Variants in FSD1 observed in about 807,000 individuals in gnomAD.
The protein encoded by FSD1 is fibronectin type III and SPRY domain-containing protein 1.
In FSD1, 23 loss-of-function variants were observed where a neutral mutation model predicts 58.2. The ratio of observed to expected loss-of-function variants is 0.40; its 90% CI spans 0.28 to 0.56. FSD1 has a LOEUF of 0.56. Among genes scored for constraint, FSD1 ranks in the 20% least tolerant of loss-of-function variants. The pLI, the probability that FSD1 is intolerant of heterozygous loss-of-function variation, is 0.54. For synonymous variants in FSD1, 265 were observed against 263.4 expected (o/e 1.01, Z -0.06); for missense variants, 563 against 670.8 (o/e 0.84, Z 1.78).
intron 3 of FSD1, 125 bp downstream of exon 3, chr19:4,306,454 T>A: frequency 1.2e-6 from 1 of 849,804 alleles, no homozygotes; most frequent in Non-Finnish European, 1.8e-6. Flanking sequence ...GACCCCTCCA[T>A]CCACCTGTAC....
intron 10 of FSD1, among the ~76,000 whole-genome samples, chr19:4,322,515 G>A (rs1036818708): frequency 6.7e-6 from 1 of 150,260 alleles, no homozygotes; most frequent in Non-Finnish European, 1.5e-5. Flanking sequence ...AGCAGGAACC[G>A]AGGAGTATCT....
chr19:4,306,109 A>T, intron 2 of FSD1, 68 bp downstream of exon 2: 1 of 1,606,462 alleles, frequency 6.2e-7, no homozygotes, highest in Non-Finnish European at 8.5e-7. Flanking sequence ...CAGCCTTAGG[A>T]ACTGGCCCAT....
Position 4,315,038 on chromosome 19 carries a change from A to G in FSD1, c.701-2144A>G, listed in dbSNP as rs139273755. On this transcript the variant is annotated intron_variant, in intron 7 of 12. Transcript: ENST00000221856. ...AGGATACCGATGAAAGCAGCTGCCT[A>G]TGTGGTCGTTTGCAATCCACCTACT... 1.5e-4 allele frequency among the ~76,000 whole-genome samples: 23 copies of G among 152,286 alleles called. 1 individual carries two copies. The East Asian group carries it at 4.2e-3, about 28-fold the overall frequency.
In FSD1 at chr19:4,310,616, G is replaced by A; in HGVS notation, c.490+20G>A. The A allele has an allele frequency of 1.2e-6, 2 of 1,607,902 alleles. No homozygotes were observed. The highest frequency in any genetic ancestry group is 1.7e-6 in the Non-Finnish European group (2 of 1,178,210). On this transcript the variant is annotated intron_variant, in intron 6 of 12. Transcript: ENST00000221856. ...TGCCTGGTGAGAGGGGCACGCACTA[G>A]AGGGCCAGGACTTCCGGGGAATGAC...
At chr19:4,305,098 C>T (rs1971603184) in intron 1 of FSD1, among the ~76,000 whole-genome samples, 1 of 143,150 alleles carries the variant, frequency 7.0e-6, no homozygotes, top group Admixed American at 6.9e-5. Flanking sequence ...GAAGACGCCC[C>T]GCCAGCTCCG....
chr19:4,311,004 AT>A (rs1461219909), intron 6 of FSD1: 1 of 168,444 alleles, frequency 5.9e-6, no homozygotes. Context: ...TGGGGTATTC[AT>A]CAAGTCCCGC....
chr19:4,319,895 G>C (rs1043536803), intron 10 of FSD1, among the ~76,000 whole-genome samples: 2 of 152,120 alleles, frequency 1.3e-5, no homozygotes, highest in Non-Finnish European at 2.9e-5. Flanking sequence ...TGATCTGGGA[G>C]GGGCGAGAGT....
chr19:4,311,822 C>G lies in FSD1; in HGVS notation c.491-20C>G. The G allele has an allele frequency of 1.2e-6, 2 of 1,612,896 alleles. No homozygotes were observed. ...ACCAGGCACAGAATCCCGACCCCCT[C>G]TCCTTTCCGTCTTGGTCAGTGCCCA... On this transcript the variant is annotated intron_variant, in intron 6 of 12. Transcript: ENST00000221856.
At chr19:4,312,164 T>G in intron 7 of FSD1, 113 bp downstream of exon 7, 1 of 950,664 alleles carries the variant, frequency 1.1e-6, no homozygotes. Context: ...GCTCATGGGG[T>G]CTGGAAGCAG....
Position 4,323,643 on chromosome 19 carries a change from G to A in FSD1, c.1491G>A (p.Ter497=). The change falls in exon 13 of 13, where the codon TAG becomes TAA. Residue 497 remains the stop codon, a stop_retained_variant. Coordinates refer to ENST00000221856, the MANE Select transcript of FSD1 (RefSeq NM_024333.3). This position sits in a 1 kb window ranked among gnomAD's most constrained non-coding sequence, Gnocchi z 7.7. ...GCAGCTCCAACACCAGCCTCACCTA[G>A]GCCCCCAGGCACCCACCCAGCTGGG... ...ATSSSNTSLT[*] The A allele has an allele frequency of 6.2e-7, 1 of 1,607,230 alleles. No homozygotes were observed. The highest frequency in any genetic ancestry group is 8.5e-7 in the Non-Finnish European group (1 of 1,175,156).
chr19:4,309,815 A>C (rs1410540865), intron 4 of FSD1, among the ~76,000 whole-genome samples: 1 of 151,792 alleles, frequency 6.6e-6, no homozygotes, highest in Non-Finnish European at 1.5e-5. Context: ...AGGCTGAGGC[A>C]GGAGAATGGC....
intron 4 of FSD1, among the ~76,000 whole-genome samples, chr19:4,308,654 A>C (rs556563391): frequency 6.6e-6 from 1 of 152,148 alleles, no homozygotes; most frequent in Non-Finnish European, 1.5e-5. Context: ...TCAGGAGATC[A>C]AGACCATCCT....
Position 4,307,964 on chromosome 19 carries a change from A to G in FSD1, c.326A>G (p.Asp109Gly), listed in dbSNP as rs775931258. The G allele has an allele frequency of 2.5e-6, 4 of 1,613,748 alleles. No homozygotes were observed. Among genetic ancestry groups the G allele is most frequent in the Non-Finnish European group, 3.4e-6 (4 of 1,179,888 alleles). The change falls in exon 4 of 13, where the codon GAC becomes GGC. Residue 109 changes from aspartate (D) to glycine (G), a missense_variant. Asp to Gly is a moderately conservative substitution (Grantham distance 94). Coordinates refer to ENST00000221856, the MANE Select transcript of FSD1 (RefSeq NM_024333.3). Reference sequence around the variant, plus strand: ...GCCAACCAGACTCTGCAGGCCATGGACAGCGAGGACTTTCCTCAGGTGGGT... The same window carrying G: ...GCCAACCAGACTCTGCAGGCCATGGGCAGCGAGGACTTTCCTCAGGTGGGT... ...ETANQTLQAM[D>G]SEDFPQAAKQ... is the part of the protein sequence containing the mutation.
chr19:4,305,996 T>A lies in FSD1; in HGVS notation c.66T>A (p.Ile22=). The A allele has an allele frequency of 6.2e-7, 1 of 1,613,982 alleles. No individual in the cohort carries two copies. The highest frequency in any genetic ancestry group is 8.5e-7 in the Non-Finnish European group (1 of 1,179,974). ...IKTLAVKNEE[I]QSFIYSLKQM... is the part of the protein sequence containing the mutation. ...CACTGGCTGTGAAGAATGAAGAAAT[T>A]CAGAGCTTTATCTACTCCCTGAAAC... is the stretch of plus-strand genomic sequence containing the variant. The change falls in exon 2 of 13, where the codon ATT becomes ATA. Residue 22 remains isoleucine, a synonymous_variant. Transcript: ENST00000221856.
Position 4,317,285 on chromosome 19 carries a change from C to T in FSD1, c.799+5C>T, listed in dbSNP as rs756910607. ...CGGTGACTCTGGAGACACCAGGTGA[C>T]TGGATTCCACCCTTGTCCTACCCCT... On this transcript the variant is annotated splice_donor_5th_base_variant and intron_variant, in intron 8 of 12. Coordinates refer to ENST00000221856, the MANE Select transcript of FSD1 (RefSeq NM_024333.3). The T allele has an allele frequency of 1.3e-6, 2 of 1,551,310 alleles. No homozygotes were observed. Among genetic ancestry groups the T allele is most frequent in the Admixed American group, 1.7e-5 (1 of 59,894 alleles).
At chr19:4,308,111 T>G in intron 4 of FSD1, 128 bp downstream of exon 4, 1 of 683,102 alleles carries the variant, frequency 1.5e-6, no homozygotes, top group Non-Finnish European at 2.5e-6. Flanking sequence ...TACATACTGA[T>G]ACCAAGAAAG....
At chr19:4,312,078 C>T in intron 7 of FSD1, 27 bp downstream of exon 7, 1 of 1,568,512 alleles carries the variant, frequency 6.4e-7, no homozygotes, top group Non-Finnish European at 8.6e-7. Flanking sequence ...CCAGCTCCGC[C>T]CAGCTGTGAA....
chr19:4,310,337 C>A (rs753687871), intron 5 of FSD1, 42 bp downstream of exon 5: 1 of 1,613,442 alleles, frequency 6.2e-7, no homozygotes, highest in South Asian at 1.1e-5. Flanking sequence ...TACCCTGCCC[C>A]TGGTGTGAAG....
At chr19:4,308,991 T>C (rs1460209216) in intron 4 of FSD1, among the ~76,000 whole-genome samples, 4 of 147,584 alleles carry the variant, frequency 2.7e-5, no homozygotes, top group East Asian at 2.0e-4. Flanking sequence ...AGGAGGATGG[T>C]GTGAACCCGG....
Sources: allele counts gnomAD v4.1 joint callset (sites outside exome capture counted in the v4.1 genomes callset), GRCh38; gene constraint gnomAD v4.1.1; non-coding constraint Gnocchi (gnomAD v3.1); transcripts MANE v1.5; gene names NCBI Gene and HGNC (gene_info 2026-07-23, HGNC 2026-07-21).